FADS1: variants seen among roughly 807,000 people sequenced by gnomAD.
FADS1 encodes the protein fatty acid desaturase 1, also known as acyl-CoA (8-3)-desaturase.
A neutral mutation model predicts 61.6 loss-of-function variants in FADS1; 17 were observed. The observed-to-expected ratio is 0.28, with a 90% CI of 0.19 to 0.41. The LOEUF (loss-of-function observed/expected upper bound fraction) is 0.41, where lower values mean the gene tolerates loss of function less well. Ranked by LOEUF, FADS1 falls within the 10% of genes least tolerant of loss-of-function variation. The pLI, the probability that FADS1 is intolerant of heterozygous loss-of-function variation, is 1.00. For synonymous variants in FADS1, 238 were observed against 258.7 expected (o/e 0.92, Z 0.77); for missense variants, 387 against 650.9 (o/e 0.59, Z 4.41).
intron 5 of FADS1, among the ~76,000 whole-genome samples, chr11:61,807,158 C>T (rs1325854759): frequency 6.6e-6 from 1 of 152,222 alleles, no homozygotes; most frequent in African/African-American, 2.4e-5. Context: ...ACTTCTGCCT[C>T]CCTGGGTTCA....
rs944283861 is a variant in FADS1 at position 61,816,100 on chromosome 11, G to A, written c.375+455C>T. Reference sequence around the variant, plus strand: ...CCGCTCCTGCTGGCGAGTGGAGACCGGCACCTAGGTCCAGACGCGGCTGCG... The same window carrying A: ...CCGCTCCTGCTGGCGAGTGGAGACCAGCACCTAGGTCCAGACGCGGCTGCG... On this transcript the variant is annotated intron_variant, in intron 1 of 11. Transcript: ENST00000350997. This position sits in a 1 kb window ranked among gnomAD's most constrained non-coding sequence, Gnocchi z 7.0. 4.7e-6 allele frequency: 3 copies of A among 636,496 alleles called. No individual in the cohort carries two copies. The highest frequency in any genetic ancestry group is 5.4e-6 in the Non-Finnish European group (2 of 372,150). 39.4% of individuals were successfully genotyped at this position (636,496 alleles called of 1,614,324 possible).
At chr11:61,813,574 G>A in intron 1 of FADS1, 1 of 548,988 alleles carries the variant, frequency 1.8e-6, no homozygotes, top group East Asian at 3.1e-5. Context: ...GCTAGCTAGA[G>A]GTAAAATGGA....
intron 5 of FADS1, 106 bp downstream of exon 5, chr11:61,810,645 C>T: frequency 1.4e-6 from 2 of 1,424,952 alleles, no homozygotes; most frequent in Non-Finnish European, 1.9e-6. Flanking sequence ...GCCAGCCCAG[C>T]CCCAGTGTCT....
rs757374157 is a variant in FADS1 at position 61,816,385 on chromosome 11, T to G, written c.375+170A>C. On this transcript the variant is annotated intron_variant, in intron 1 of 11. Transcript: ENST00000350997. The surrounding 1 kb of genome is among the most constrained non-coding windows in gnomAD (Gnocchi z 7.0). Reference sequence around the variant, plus strand: ...ACTTCTCCAGGCCTCTCTCCCGCCTTTTCATCCCGCATCCGCAGGACACCC... The same window carrying G: ...ACTTCTCCAGGCCTCTCTCCCGCCTGTTCATCCCGCATCCGCAGGACACCC... 1 of 1,598,338 alleles carries G rather than the reference T, an allele frequency of 6.3e-7. No individual in the cohort carries two copies. Among genetic ancestry groups the G allele is most frequent in the Non-Finnish European group, 8.5e-7 (1 of 1,179,798 alleles).
In FADS1 at chr11:61,816,787, C is replaced by G; in HGVS notation, c.143G>C (p.Gly48Ala). The change falls in exon 1 of 12, where the codon GGC becomes GCC. Residue 48 changes from glycine (G) to alanine (A), a missense_variant. Gly to Ala is a moderately conservative substitution (Grantham distance 60). Around this residue, in one of 2 missense-constraint regions of FADS1, gnomAD observed 130 missense variants for 117.7 expected, o/e 1.10. Coordinates refer to ENST00000350997, the MANE Select transcript of FADS1 (RefSeq NM_013402.7). The surrounding 1 kb of genome is among the most constrained non-coding windows in gnomAD (Gnocchi z 7.0). ...TGGCCTGGCGACGCCGCGCGCCGGG[C>G]CAGCAGGGGCTGTCAGGCGCGTGCT... is the stretch of plus-strand genomic sequence containing the variant. Reference protein sequence around the residue: ...TPSTRLTAPAGPARGVARPAM... With the variant: ...TPSTRLTAPAAPARGVARPAM... 3 of 1,511,726 alleles carry G rather than the reference C, an allele frequency of 2.0e-6. No individual in the cohort carries two copies. Among genetic ancestry groups the G allele is most frequent in the Non-Finnish European group, 2.6e-6 (3 of 1,137,260 alleles). The allele number at this position is 1,511,726 out of a possible 1,614,324, so 93.6% of individuals were successfully genotyped here.
chr11:61,813,175 C>G, intron 2 of FADS1, 68 bp downstream of exon 2: 1 of 947,800 alleles, frequency 1.1e-6, no homozygotes, highest in Admixed American at 1.8e-5. Context: ...CATCTAGACT[C>G]TCCTTCCACC....
intron 3 of FADS1, 116 bp downstream of exon 3, chr11:61,812,354 AC>A (rs1443569951): frequency 3.6e-6 from 3 of 838,374 alleles, no homozygotes; most frequent in Non-Finnish European, 5.9e-6. Flanking sequence ...ACTCCTGCAT[AC>A]CTTCAGATCT....
At chr11:61,813,623 A>G (rs2066947870) in intron 1 of FADS1, 1 of 401,790 alleles carries the variant, frequency 2.5e-6, no homozygotes, top group Non-Finnish European at 4.4e-6. Context: ...TCAGTGCTCT[A>G]TAAAATGGAC....
chr11:61,805,425 T>G (rs182496543), intron 6 of FADS1: 3 of 152,286 alleles, frequency 2.0e-5, no homozygotes, highest in Non-Finnish European at 4.4e-5. Context: ...TGTTGCATTC[T>G]ACATGCTTCC....
At chr11:61,808,231 G>A (rs1446289620) in intron 5 of FADS1, among the ~76,000 whole-genome samples, 1 of 152,118 alleles carries the variant, frequency 6.6e-6, no homozygotes, top group Non-Finnish European at 1.5e-5. Flanking sequence ...AGCTACTCAG[G>A]AGGCTGAGGC....
chr11:61,810,393 C>A (rs1353381699), intron 5 of FADS1, among the ~76,000 whole-genome samples: 1 of 152,202 alleles, frequency 6.6e-6, no homozygotes, highest in Non-Finnish European at 1.5e-5. Context: ...AAGGGGAATA[C>A]TTGCCTGGGG....
In FADS1 at chr11:61,816,315, T is replaced by G; in HGVS notation, c.375+240A>C. On this transcript the variant is annotated intron_variant, in intron 1 of 11. Coordinates refer to ENST00000350997, the MANE Select transcript of FADS1 (RefSeq NM_013402.7). This position sits in a 1 kb window ranked among gnomAD's most constrained non-coding sequence, Gnocchi z 7.0. ...ACGGCAGGGAGGCGGGACCCTTTGT[T>G]TGTGTGTGCGTGTTGTTGGCCTCCA... 1 of 1,598,228 alleles carries G rather than the reference T, an allele frequency of 6.3e-7. No individual in the cohort carries two copies. The highest frequency in any genetic ancestry group is 8.5e-7 in the Non-Finnish European group (1 of 1,179,746).
rs764688467 is a variant in FADS1, at chr11:61,802,041, C to T, written c.*370G>A. 14 of 245,496 alleles carry T rather than the reference C, an allele frequency of 5.7e-5. No individual in the cohort carries two copies. Among genetic ancestry groups the T allele is most frequent in the Non-Finnish European group, 1.1e-4 (14 of 123,374 alleles). The allele number at this position is 245,496 out of a possible 1,614,324, so 15.2% of individuals were successfully genotyped here. A position where few individuals can be genotyped will look rare whatever the true frequency, so the allele number is the denominator to read the frequency against. ...GATTACAGGCGCGTGCCACCACGCCCGGCATGAGTGGAATTTTAGTGTTAA... is the reference window on the plus strand; with the variant it reads ...GATTACAGGCGCGTGCCACCACGCCTGGCATGAGTGGAATTTTAGTGTTAA... On this transcript the variant is annotated 3_prime_UTR_variant, in exon 12 of 12. Transcript: ENST00000350997. The surrounding 1 kb of genome is among the most constrained non-coding windows in gnomAD (Gnocchi z 4.2).
rs2066860856 is a variant in FADS1 at position 61,802,305 on chromosome 11, A to G, written c.*106T>C. 9.7e-7 allele frequency: 1 copy of G among 1,028,100 alleles called. No individual in the cohort carries two copies. Among genetic ancestry groups the G allele is most frequent in the East Asian group, 2.6e-5 (1 of 38,530 alleles). The allele number at this position is 1,028,100 out of a possible 1,614,324, so 63.7% of individuals were successfully genotyped here. On this transcript the variant is annotated 3_prime_UTR_variant, in exon 12 of 12. Transcript: ENST00000350997. The surrounding 1 kb of genome is among the most constrained non-coding windows in gnomAD (Gnocchi z 4.2). ...CAGAGGCTTTATGTCCCCAAACCCAACCCCCTCTGAGTATTAAACTATAGT... is the reference window on the plus strand; with the variant it reads ...CAGAGGCTTTATGTCCCCAAACCCAGCCCCCTCTGAGTATTAAACTATAGT...
chr11:61,812,755 C>A, intron 2 of FADS1, 87 bp from the exon 3 acceptor site: 1 of 1,205,506 alleles, frequency 8.3e-7, no homozygotes, highest in Non-Finnish European at 1.2e-6. Context: ...TCAAGGACCT[C>A]CCACTGAGGT....
intron 2 of FADS1, 29 bp downstream of exon 2, chr11:61,813,214 G>A (rs755030108): frequency 7.4e-7 from 1 of 1,352,022 alleles, no homozygotes; most frequent in East Asian, 2.3e-5. Flanking sequence ...ACAACCAATA[G>A]TTGCGACATA....
chr11:61,816,055 G>GCTC lies in FADS1; in HGVS notation c.375+497_375+499dup. ...GTTTCAGCCCCATCCTCGAGAATGG[G>GCTC]CTCCTTTCCTGCTCCCTCTCCGCTC... On this transcript the variant is annotated intron_variant, in intron 1 of 11. Coordinates refer to ENST00000350997, the MANE Select transcript of FADS1 (RefSeq NM_013402.7). The surrounding 1 kb of genome is among the most constrained non-coding windows in gnomAD (Gnocchi z 7.0). 1.7e-6 allele frequency: 1 copy of GCTC among 584,572 alleles called. No homozygotes were observed. The highest frequency in any genetic ancestry group is 2.1e-5 in the South Asian group (1 of 48,106). 36.2% of individuals were successfully genotyped at this position (584,572 alleles called of 1,614,324 possible).
At chr11:61,813,966 CAA>C (rs35779607) in intron 1 of FADS1, among the ~76,000 whole-genome samples, 24 of 80,686 alleles carry the variant, frequency 3.0e-4, no homozygotes, top group South Asian at 5.0e-4. Context: ...GACTCCGTCT[CAA>C]AAAAAAAAAA....
At chr11:61,806,787 C>A in intron 5 of FADS1, 63 bp from the exon 6 acceptor site, 1 of 1,505,152 alleles carries the variant, frequency 6.6e-7, no homozygotes, top group Non-Finnish European at 9.3e-7. Context: ...TGTGACTTGA[C>A]CTTTCCTTGC....
Sources: allele counts gnomAD v4.1 joint callset (sites outside exome capture counted in the v4.1 genomes callset), GRCh38; gene constraint gnomAD v4.1.1; regional missense constraint gnomAD v4.1.1; non-coding constraint Gnocchi (gnomAD v3.1); transcripts MANE v1.5; gene names NCBI Gene and HGNC (gene_info 2026-07-23, HGNC 2026-07-21).